Variants in TENM4 observed in about 807,000 individuals in gnomAD.
TENM4 encodes the protein teneurin-4.
Under a neutral mutation model 243.3 loss-of-function variants are expected in TENM4, and 82 were observed. The ratio of observed to expected loss-of-function variants is 0.34; its 90% CI spans 0.28 to 0.40. The LOEUF (loss-of-function observed/expected upper bound fraction) is 0.40. Among genes scored for constraint, TENM4 ranks in the 10% least tolerant of loss-of-function variants. The pLI, the probability that TENM4 is intolerant of heterozygous loss-of-function variation, is 1.00. For synonymous variants in TENM4, 1,412 were observed against 1,456.3 expected (o/e 0.97, Z 0.69); for missense variants, 3,138 against 3,673.3 (o/e 0.85, Z 3.77).
intron 3 of TENM4, among the ~76,000 whole-genome samples, chr11:79,176,004 A>T (rs1307702511): frequency 1.3e-5 from 2 of 152,150 alleles, no homozygotes; most frequent in Admixed American, 1.3e-4. Context: ...AGGTGGGAGG[A>T]TCACCTGAGC....
chr11:78,928,025 T>A (rs909973280), intron 6 of TENM4, among the ~76,000 whole-genome samples: 2 of 152,172 alleles, frequency 1.3e-5, no homozygotes, highest in African/African-American at 4.8e-5. Flanking sequence ...CACATCTCCC[T>A]ACTGCCTACT....
At chr11:79,347,025 A>G (rs973483437) in intron 1 of TENM4, among the ~76,000 whole-genome samples, 5 of 152,054 alleles carry the variant, frequency 3.3e-5, no homozygotes, top group Non-Finnish European at 7.4e-5. Context: ...CCTGGGTTTC[A>G]CTTTCCCCTT....
intron 4 of TENM4, among the ~76,000 whole-genome samples, chr11:79,117,978 A>G (rs1210842150): frequency 6.6e-6 from 1 of 152,216 alleles, no homozygotes; most frequent in East Asian, 1.9e-4. Context: ...GGCAAATGGC[A>G]AAGGGAAAAG....
chr11:79,181,389 C>A (rs1248701425), intron 3 of TENM4, among the ~76,000 whole-genome samples: 2 of 152,106 alleles, frequency 1.3e-5, no homozygotes, highest in Non-Finnish European at 2.9e-5. Context: ...CAAAATTCAA[C>A]ACTCGTTTAT....
At chr11:78,765,330 A>G (rs1856520764) in intron 18 of TENM4, among the ~76,000 whole-genome samples, 1 of 152,344 alleles carries the variant, frequency 6.6e-6, no homozygotes, top group East Asian at 1.9e-4. Flanking sequence ...CTTGTCTCTT[A>G]TCATGAGAAA....
rs369089230 is a variant in TENM4, at chr11:79,101,752, A to G, written c.-65-31743T>C. Among the ~76,000 whole-genome samples the G allele has an allele frequency of 2.2e-3, 329 of 152,324 alleles. 17 individuals are homozygous for G. In the South Asian group the frequency reaches 0.065, roughly 30 times the overall value. ...CTATTACCATAAGCACTGCTGGCAG[A>G]AAAGTACTCTGAAAATGACATAAAG... On this transcript the variant is annotated intron_variant, in intron 4 of 33. Coordinates refer to ENST00000278550, the MANE Select transcript of TENM4 (RefSeq NM_001098816.3).
In TENM4 at chr11:78,978,208, T is replaced by TG. The variant is rs531231049; in HGVS notation, c.494-74686dup. On this transcript the variant is annotated intron_variant, in intron 6 of 33. Coordinates refer to ENST00000278550, the MANE Select transcript of TENM4 (RefSeq NM_001098816.3). ...ACATACACTGCAGCCTGTTGGCGGA[T>TG]GGGGGGCTAGGGGAGGGATAGCATT... Among the ~76,000 whole-genome samples, 115 of 152,034 alleles carry TG rather than the reference T, an allele frequency of 7.6e-4. 1 individual carries two copies. The highest frequency in any genetic ancestry group is 2.6e-3 in the African/African-American group (108 of 41,434).
intron 6 of TENM4, among the ~76,000 whole-genome samples, chr11:79,026,389 C>T (rs556883700): frequency 6.6e-6 from 1 of 152,252 alleles, no homozygotes; most frequent in African/African-American, 2.4e-5. Flanking sequence ...TAGCAGGGAA[C>T]TAACAATTGC....
intron 6 of TENM4, among the ~76,000 whole-genome samples, chr11:79,010,730 C>T (rs1455791405): frequency 6.6e-6 from 1 of 152,156 alleles, no homozygotes; most frequent in Non-Finnish European, 1.5e-5. Context: ...AATTACCTCC[C>T]ACCATGTCCC....
intron 1 of TENM4, among the ~76,000 whole-genome samples, chr11:79,417,988 T>C (rs962148767): frequency 6.6e-6 from 1 of 152,148 alleles, no homozygotes; most frequent in Admixed American, 6.5e-5. Flanking sequence ...GGGTGCAGGC[T>C]TCAAGGAAGG....
At chr11:79,376,313 C>T (rs1051726235) in intron 1 of TENM4, among the ~76,000 whole-genome samples, 1 of 152,240 alleles carries the variant, frequency 6.6e-6, no homozygotes, top group Non-Finnish European at 1.5e-5. Context: ...TTGATGTCCT[C>T]ACCCAAGATT....
intron 4 of TENM4, among the ~76,000 whole-genome samples, chr11:79,108,967 G>A (rs764313572): frequency 4.0e-5 from 6 of 151,754 alleles, no homozygotes; most frequent in African/African-American, 1.2e-4. Flanking sequence ...AACACCCACC[G>A]CTTGAAATTT....
chr11:78,940,255 T>G (rs1322310895), intron 6 of TENM4, among the ~76,000 whole-genome samples: 3 of 152,254 alleles, frequency 2.0e-5, no homozygotes, highest in Non-Finnish European at 4.4e-5. Context: ...AACATGATTT[T>G]AATGACTACC....
At chr11:78,817,674 C>T (rs1253482994) in intron 12 of TENM4, among the ~76,000 whole-genome samples, 1 of 152,216 alleles carries the variant, frequency 6.6e-6, no homozygotes, top group Admixed American at 6.5e-5. Flanking sequence ...ATAATTTCCA[C>T]TTTAAGCTAC....
chr11:79,207,813 C>G (rs1477757436), intron 3 of TENM4, among the ~76,000 whole-genome samples: 1 of 128,860 alleles, frequency 7.8e-6, no homozygotes, highest in African/African-American at 3.0e-5. Flanking sequence ...TTGCAGTGAA[C>G]AGAGATTGTG....
intron 3 of TENM4, among the ~76,000 whole-genome samples, chr11:79,167,734 C>CAG (rs1862946811): frequency 6.6e-6 from 1 of 152,166 alleles, no homozygotes; most frequent in Non-Finnish European, 1.5e-5. Flanking sequence ...AGTCAGGACA[C>CAG]AGAGAGAGAC....
intron 1 of TENM4, among the ~76,000 whole-genome samples, chr11:79,308,474 C>A (rs1486508957): frequency 6.6e-6 from 1 of 151,944 alleles, no homozygotes; most frequent in African/African-American, 2.4e-5. Context: ...TAATGGGATA[C>A]AAAAATATCT....
At position 78,930,374 on chromosome 11, in the gene TENM4, C is replaced by T. The variant is rs1183963217; in HGVS notation, c.494-26851G>A. On this transcript the variant is annotated intron_variant, in intron 6 of 33. Coordinates refer to ENST00000278550, the MANE Select transcript of TENM4 (RefSeq NM_001098816.3). ...TGTCCACTGAATATGGTCAAGTTTC[C>T]CCTTGATTAGAGAGTTAGCTGTAGT... Among the ~76,000 whole-genome samples the T allele has an allele frequency of 2.6e-5, 4 of 152,102 alleles. No homozygotes were observed. In the East Asian group the frequency reaches 7.7e-4, roughly 29 times the overall value.
rs561422014 is a variant in TENM4, at chr11:79,311,213, C to T, written c.-320-13670G>A. ...CCAACAATAATTAGTACACTGAATTCCCCCGTATCCTAAATGGATGAGGCA... is the reference window on the plus strand; with the variant it reads ...CCAACAATAATTAGTACACTGAATTTCCCCGTATCCTAAATGGATGAGGCA... On this transcript the variant is annotated intron_variant, in intron 1 of 33. Transcript: ENST00000278550. Among the ~76,000 whole-genome samples the T allele has an allele frequency of 3.6e-3, 553 of 152,318 alleles. 5 individuals are homozygous for T. The highest frequency in any genetic ancestry group is 6.7e-3 in the Non-Finnish European group (455 of 68,026).
Sources: allele counts gnomAD v4.1 joint callset (sites outside exome capture counted in the v4.1 genomes callset), GRCh38; gene constraint gnomAD v4.1.1; transcripts MANE v1.5; gene names NCBI Gene and HGNC (gene_info 2026-07-23, HGNC 2026-07-21).